Variants in ADAM23 observed in about 807,000 individuals in gnomAD.
ADAM23 encodes ADAM metallopeptidase domain 23.
ADAM23 carries 33 observed loss-of-function variants against 120.1 expected under a neutral mutation model. The observed-to-expected ratio is 0.27, with a 90% confidence interval of 0.21 to 0.37. ADAM23 has a LOEUF of 0.37. Ranked by LOEUF, ADAM23 falls within the 10% of genes least tolerant of loss-of-function variation. The pLI is 1.00. For synonymous variants in ADAM23, 367 were observed against 375.2 expected (o/e 0.98, Z 0.25); for missense variants, 862 against 1,058.2 (o/e 0.81, Z 2.57).
chr2:206,524,260 T>C (rs1338368414), intron 3 of ADAM23, among the ~76,000 whole-genome samples: 3 of 152,184 alleles, frequency 2.0e-5, no homozygotes, highest in Non-Finnish European at 4.4e-5. Flanking sequence ...TACTGAGAAT[T>C]GAATTAGGGT....
At position 206,592,725 on chromosome 2, in the gene ADAM23, G is replaced by A. The variant is rs1698448971; in HGVS notation, c.2067G>A (p.Val689=). ...CTTCCTTCTACCATCAAGGCCGGGT[G>A]ATTGACTGCAGGTAACATATTAAAT... ...IPTSFYHQGR[V]IDCSGAHVVL... The change falls in exon 22 of 26, where the codon GTG becomes GTA. Residue 689 remains valine (V), a synonymous_variant. Transcript: ENST00000264377. The A allele has an allele frequency of 6.2e-7, 1 of 1,613,844 alleles. No individual in the cohort carries two copies. The highest frequency in any genetic ancestry group is 8.5e-7 in the Non-Finnish European group (1 of 1,179,928).
intron 20 of ADAM23, among the ~76,000 whole-genome samples, chr2:206,588,622 T>C (rs1179995770): frequency 6.6e-6 from 1 of 152,238 alleles, no homozygotes; most frequent in East Asian, 1.9e-4. Context: ...CTTCCTGAGA[T>C]GCAGATAGGT....
At chr2:206,535,674 A>G (rs1428923579) in intron 4 of ADAM23, among the ~76,000 whole-genome samples, 2 of 152,250 alleles carry the variant, frequency 1.3e-5, no homozygotes, top group East Asian at 3.8e-4. Flanking sequence ...TAAATCTTGT[A>G]AACATTATGC....
At chr2:206,586,216 AC>A (rs1203130636) in intron 18 of ADAM23, among the ~76,000 whole-genome samples, 2 of 152,142 alleles carry the variant, frequency 1.3e-5, no homozygotes, top group Admixed American at 1.3e-4. Flanking sequence ...AAGCTGGGAA[AC>A]AGAAGATCGA....
chr2:206,614,896 C>G (rs1357133327), intron 25 of ADAM23, among the ~76,000 whole-genome samples: 2 of 152,012 alleles, frequency 1.3e-5, no homozygotes, highest in Non-Finnish European at 2.9e-5. Flanking sequence ...CCCTTAATGC[C>G]TGGGACTCCT....
chr2:206,504,051 A>T (rs1219253109), intron 3 of ADAM23, among the ~76,000 whole-genome samples: 1 of 152,190 alleles, frequency 6.6e-6, no homozygotes, highest in African/African-American at 2.4e-5. Flanking sequence ...ACTTAAATTT[A>T]TTCCTTGATA....
chr2:206,461,013 T>A (rs1306005223), intron 2 of ADAM23, among the ~76,000 whole-genome samples: 1 of 152,134 alleles, frequency 6.6e-6, no homozygotes, highest in African/African-American at 2.4e-5. Context: ...CCCTTGTGAA[T>A]GTTTTCCCAT....
intron 4 of ADAM23, among the ~76,000 whole-genome samples, chr2:206,536,822 C>T (rs935453140): frequency 3.9e-5 from 6 of 152,122 alleles, no homozygotes; most frequent in South Asian, 2.1e-4. Flanking sequence ...TCTCCTGTCT[C>T]AGCCTCCCGA....
At chr2:206,568,791 A>G (rs1010230986) in intron 15 of ADAM23, among the ~76,000 whole-genome samples, 1 of 152,220 alleles carries the variant, frequency 6.6e-6, no homozygotes, top group Non-Finnish European at 1.5e-5. Flanking sequence ...AAACTGAGAG[A>G]GCAGCGAAAT....
intron 3 of ADAM23, among the ~76,000 whole-genome samples, chr2:206,486,616 G>A (rs55811202): frequency 0.021 from 3,181 of 151,954 alleles, 55 homozygotes; most frequent in South Asian, 0.069. Flanking sequence ...TGAAAGCATG[G>A]GTAACTCTTT....
intron 25 of ADAM23, 50 bp from the exon 26 acceptor site, chr2:206,617,526 ATAT>A (rs1261060723): frequency 8.4e-6 from 13 of 1,553,414 alleles, no homozygotes; most frequent in Admixed American, 1.8e-5. Context: ...CATCTGATTA[ATAT>A]TGTGGATTTT....
chr2:206,563,052 A>G (rs1414340705), intron 13 of ADAM23, among the ~76,000 whole-genome samples: 5 of 152,224 alleles, frequency 3.3e-5, no homozygotes, highest in African/African-American at 1.2e-4. Context: ...ATAAAAGTCA[A>G]CCCAGATTGT....
intron 8 of ADAM23, among the ~76,000 whole-genome samples, chr2:206,549,617 T>C (rs1017593953): frequency 5.9e-5 from 9 of 152,034 alleles, no homozygotes; most frequent in African/African-American, 2.2e-4. Context: ...AGTTAATGTT[T>C]CTATTTAACT....
In ADAM23 at chr2:206,447,136, A is replaced by G. The variant is rs1385709202; in HGVS notation, c.432+1612A>G. Among the ~76,000 whole-genome samples the G allele has an allele frequency of 2.0e-5, 3 of 152,170 alleles. No homozygotes were observed. In the East Asian group the frequency reaches 5.8e-4, roughly 29 times the overall value. On this transcript the variant is annotated intron_variant, in intron 2 of 25. Coordinates refer to ENST00000264377, the MANE Select transcript of ADAM23 (RefSeq NM_003812.4). ...TGAGGCTATGACTAATGCTTGCCTT[A>G]TAGTTTAACCTTATGTGGCTGTTTT...
intron 2 of ADAM23, among the ~76,000 whole-genome samples, chr2:206,455,911 A>G (rs76154450): frequency 0.29 from 43,844 of 151,810 alleles, 6,400 homozygotes; most frequent in Non-Finnish European, 0.31. Flanking sequence ...AGAGGTCTGT[A>G]TGAAGTTCCA....
chr2:206,443,846 G>A lies in ADAM23; in HGVS notation c.-21G>A, dbSNP rs1695013063. On this transcript the variant is annotated 5_prime_UTR_variant, in exon 1 of 26. Transcript: ENST00000264377. ...GGCGCTCTCGCCGGCCACACGGAGC[G>A]GCGCCCGGGAGCTATGAGCCATGAA... The A allele has an allele frequency of 9.1e-7, 1 of 1,103,578 alleles. No individual in the cohort carries two copies. Among genetic ancestry groups the A allele is most frequent in the East Asian group, 5.9e-5 (1 of 16,958 alleles). 68.4% of individuals were successfully genotyped at this position (1,103,578 alleles called of 1,614,324 possible). A position where few individuals can be genotyped will look rare whatever the true frequency, so the allele number is the denominator to read the frequency against.
intron 3 of ADAM23, among the ~76,000 whole-genome samples, chr2:206,507,378 G>C (rs1201244682): frequency 6.6e-6 from 1 of 152,082 alleles, no homozygotes; most frequent in East Asian, 1.9e-4. Context: ...GAGTTCTAAT[G>C]AAATCTGGTT....
intron 6 of ADAM23, among the ~76,000 whole-genome samples, chr2:206,545,773 G>A (rs1490703041): frequency 1.3e-5 from 2 of 152,208 alleles, no homozygotes; most frequent in East Asian, 3.9e-4. Context: ...CTCCAGTAAG[G>A]AAAGATAATC....
chr2:206,539,238 C>T (rs1191022907), intron 4 of ADAM23, among the ~76,000 whole-genome samples: 2 of 152,162 alleles, frequency 1.3e-5, no homozygotes, highest in African/African-American at 2.4e-5. Context: ...CCAATAACTT[C>T]CACTTATCAG....
Sources: allele counts gnomAD v4.1 joint callset (sites outside exome capture counted in the v4.1 genomes callset), GRCh38; gene constraint gnomAD v4.1.1; transcripts MANE v1.5; gene names NCBI Gene and HGNC (gene_info 2026-07-23, HGNC 2026-07-21).